The following GDA variants were observed in gnomAD, a reference collection of about 807,000 sequenced individuals.
The protein encoded by GDA is cytoplasmic PSD-95 interactor.
In GDA, 18 loss-of-function variants were observed where a neutral mutation model predicts 59.6. The ratio of observed to expected loss-of-function variants is 0.30; its 90% confidence interval spans 0.21 to 0.45. GDA has a LOEUF of 0.45. Among genes scored for constraint, GDA ranks in the 20% least tolerant of loss-of-function variants. The pLI is 1.00. For synonymous variants in GDA, 201 were observed against 201.1 expected (o/e 1.00, Z 0.00); for missense variants, 427 against 552.3 (o/e 0.77, Z 2.27).
intron 1 of GDA, among the ~76,000 whole-genome samples, chr9:72,158,116 A>G (rs750781655): frequency 6.6e-6 from 1 of 152,094 alleles, no homozygotes; most frequent in Non-Finnish European, 1.5e-5. Flanking sequence ...CTTTATTCCC[A>G]AGTTGAAATA....
chr9:72,258,734 C>T (rs1321860646), downstream of GDA, among the ~76,000 whole-genome samples: 1 of 152,170 alleles, frequency 6.6e-6, no homozygotes, highest in Non-Finnish European at 1.5e-5. Context: ...GGACAGAGGT[C>T]CTGTGACCTT....
intron 1 of GDA, among the ~76,000 whole-genome samples, chr9:72,177,675 C>T (rs758439094): frequency 7.2e-5 from 11 of 152,064 alleles, no homozygotes; most frequent in South Asian, 2.1e-4. Context: ...ATTTTTGCTT[C>T]GGCAAATTGT....
intron 1 of GDA, among the ~76,000 whole-genome samples, chr9:72,195,114 G>A (rs1156524046): frequency 1.3e-5 from 2 of 152,166 alleles, no homozygotes; most frequent in Non-Finnish European, 2.9e-5. Flanking sequence ...CTGATTTGTA[G>A]TTCTTATGAA....
chr9:72,134,088 G>A (rs1438034563), intron 1 of GDA, among the ~76,000 whole-genome samples: 2 of 152,178 alleles, frequency 1.3e-5, no homozygotes, highest in African/African-American at 4.8e-5. Flanking sequence ...TGAATTAGTG[G>A]AGGGAGTAGG....
At chr9:72,228,287 G>A in intron 9 of GDA, 1 of 430,014 alleles carries the variant, frequency 2.3e-6, no homozygotes, top group East Asian at 4.5e-5. Flanking sequence ...ACAAAAAAAG[G>A]ACAATAGGGA....
chr9:72,243,659 T>C (rs1343223774), intron 11 of GDA, among the ~76,000 whole-genome samples: 1 of 152,212 alleles, frequency 6.6e-6, no homozygotes, highest in Non-Finnish European at 1.5e-5. Context: ...GTACTTTAGC[T>C]AAAAAGCCAT....
downstream of GDA, chr9:72,253,129 G>A (rs1367932591): frequency 6.6e-6 from 1 of 152,104 alleles, no homozygotes; most frequent in African/African-American, 2.4e-5. Context: ...GAAACATAAA[G>A]ACAGTAGTAG....
At chr9:72,256,298 A>G (rs1042565633), downstream of GDA, among the ~76,000 whole-genome samples, 8 of 152,232 alleles carry the variant, frequency 5.3e-5, no homozygotes, top group African/African-American at 1.7e-4. Flanking sequence ...CATTTAAGCA[A>G]CATTTCATAA....
Position 72,210,691 on chromosome 9 carries a change from G to A in GDA, c.389G>A (p.Arg130Lys). The change falls in exon 4 of 14, where the codon AGA becomes AAA. Residue 130 changes from arginine to lysine, a missense_variant. Transcript: ENST00000358399. ...GTTTTTGTGATTTATTTTTAGAGGAGAACACTAAAGAATGGAACAACCACA... is the reference window on the plus strand; with the variant it reads ...GTTTTTGTGATTTATTTTTAGAGGAAAACACTAAAGAATGGAACAACCACA... ...AEEVYTRVVR[R>K]TLKNGTTTAC... 6.3e-7 allele frequency: 1 copy of A among 1,587,322 alleles called. No individual in the cohort carries two copies. The highest frequency in any genetic ancestry group is 1.1e-5 in the South Asian group (1 of 90,568).
At chr9:72,166,629 G>A (rs1829349562) in intron 1 of GDA, among the ~76,000 whole-genome samples, 1 of 152,048 alleles carries the variant, frequency 6.6e-6, no homozygotes, top group Admixed American at 6.5e-5. Context: ...AATATCACAT[G>A]TACCCTATAA....
chr9:72,236,794 T>TG (rs1839053305), intron 10 of GDA, among the ~76,000 whole-genome samples: 3 of 149,240 alleles, frequency 2.0e-5, no homozygotes, highest in African/African-American at 7.6e-5. Flanking sequence ...TTTTTTTTTT[T>TG]TTTGAGATGG....
intron 1 of GDA, among the ~76,000 whole-genome samples, chr9:72,136,852 G>A (rs1826242680): frequency 6.6e-6 from 1 of 152,078 alleles, no homozygotes; most frequent in East Asian, 1.9e-4. Context: ...GCAGGTGCCT[G>A]TAGTCCCAGC....
intron 1 of GDA, among the ~76,000 whole-genome samples, chr9:72,135,694 C>G (rs972254790): frequency 1.8e-4 from 28 of 151,966 alleles, no homozygotes; most frequent in African/African-American, 6.8e-4. Flanking sequence ...TTTGGGAGGC[C>G]GAGGTGGGCA....
At chr9:72,146,207 A>T (rs1003564478), upstream of GDA, among the ~76,000 whole-genome samples, 2 of 152,130 alleles carry the variant, frequency 1.3e-5, no homozygotes, top group African/African-American at 4.8e-5. Context: ...AGGGCACCAC[A>T]GGCAGAGAGA....
Position 72,210,840 on chromosome 9 carries a change from A to C in GDA, c.472+66A>C, listed in dbSNP as rs1341814556. The C allele has an allele frequency of 3.1e-6, 3 of 960,526 alleles. No homozygotes were observed. In the African/African-American group the frequency reaches 4.8e-5, roughly 15 times the overall value. The allele number at this position is 960,526 out of a possible 1,614,324, so 59.5% of individuals were successfully genotyped here. A position where few individuals can be genotyped will look rare whatever the true frequency, so the allele number is the denominator to read the frequency against. On this transcript the variant is annotated intron_variant, in intron 4 of 13. Transcript: ENST00000358399. ...GACAGCCAGACCATCGTGGCAAACAACTTATATGTACTTTTGGGCAGACCT... is the reference window on the plus strand; with the variant it reads ...GACAGCCAGACCATCGTGGCAAACACCTTATATGTACTTTTGGGCAGACCT...
chr9:72,197,048 A>G (rs1237349231), intron 2 of GDA, among the ~76,000 whole-genome samples: 2 of 152,232 alleles, frequency 1.3e-5, no homozygotes, highest in Non-Finnish European at 2.9e-5. Flanking sequence ...CTTTCACGTA[A>G]TATAGAGAAA....
intron 1 of GDA, among the ~76,000 whole-genome samples, chr9:72,157,063 G>A (rs1827990045): frequency 1.5e-5 from 2 of 131,478 alleles, no homozygotes; most frequent in Non-Finnish European, 3.2e-5. Flanking sequence ...TTTTGAGATG[G>A]AGTTTCACTC....
upstream of GDA, among the ~76,000 whole-genome samples, chr9:72,144,781 T>C (rs1826563251): frequency 6.6e-6 from 1 of 152,048 alleles, no homozygotes; most frequent in Non-Finnish European, 1.5e-5. Flanking sequence ...ACCTAAGAAC[T>C]GGAAAATGGA....
At chr9:72,168,358 A>C (rs1195570611) in intron 1 of GDA, among the ~76,000 whole-genome samples, 3 of 147,516 alleles carry the variant, frequency 2.0e-5, no homozygotes, top group Non-Finnish European at 3.0e-5. Context: ...GCACCACTGC[A>C]CTCCAAACTG....
Sources: allele counts gnomAD v4.1 joint callset (sites outside exome capture counted in the v4.1 genomes callset), GRCh38; gene constraint gnomAD v4.1.1; transcripts MANE v1.5; gene names NCBI Gene and HGNC (gene_info 2026-07-23, HGNC 2026-07-21).